Variants in ANKS1B observed in about 807,000 individuals in gnomAD.
ANKS1B encodes the protein ankyrin repeat and sterile alpha motif domain-containing protein 1B.
Under a neutral mutation model 148.3 loss-of-function variants are expected in ANKS1B, and 36 were observed. The ratio of observed to expected loss-of-function variants is 0.24; its 90% confidence interval spans 0.19 to 0.32. The LOEUF (loss-of-function observed/expected upper bound fraction) is 0.32. ANKS1B is among the 10% of genes least tolerant of loss of function. The pLI, the probability that ANKS1B is intolerant of heterozygous loss-of-function variation, is 1.00. For synonymous variants in ANKS1B, 542 were observed against 560.8 expected (o/e 0.97, Z 0.47); for missense variants, 1,157 against 1,542.6 (o/e 0.75, Z 4.19).
intron 8 of ANKS1B, among the ~76,000 whole-genome samples, chr12:99,749,443 ATTGT>A (rs2153592340): frequency 6.6e-6 from 1 of 152,196 alleles, no homozygotes; most frequent in East Asian, 1.9e-4. Context: ...TCCAGATTAC[ATTGT>A]TTGAGTACTA....
At chr12:99,718,409 C>T (rs148223807) in intron 8 of ANKS1B, among the ~76,000 whole-genome samples, 2,553 of 152,176 alleles carry the variant, frequency 0.017, 81 homozygotes, top group African/African-American at 0.058. Flanking sequence ...GATACCTCTA[C>T]TCCCTCCTTG....
chr12:99,422,397 T>A (rs942439709), intron 11 of ANKS1B, among the ~76,000 whole-genome samples: 4 of 152,160 alleles, frequency 2.6e-5, no homozygotes, highest in Admixed American at 6.5e-5. Flanking sequence ...AGGTGAAAAG[T>A]CCTATGAAGA....
intron 9 of ANKS1B, among the ~76,000 whole-genome samples, chr12:99,534,707 TTTC>T (rs2097045306): frequency 6.8e-6 from 1 of 146,288 alleles, no homozygotes; most frequent in African/African-American, 2.6e-5. Flanking sequence ...TCTTTTTTCT[TTTC>T]TTTTTTTTTT....
chr12:99,956,629 A>G (rs904616191), intron 1 of ANKS1B, among the ~76,000 whole-genome samples: 17 of 152,182 alleles, frequency 1.1e-4, no homozygotes. Flanking sequence ...ACCAGGACTG[A>G]TACTAGGCCA....
At chr12:99,441,258 GCT>G (rs1339140462) in intron 11 of ANKS1B, among the ~76,000 whole-genome samples, 6 of 151,846 alleles carry the variant, frequency 4.0e-5, no homozygotes, top group African/African-American at 1.4e-4. Context: ...TGGAACAGTA[GCT>G]CTCAACCATT....
rs12314116 is a variant in ANKS1B, at chr12:99,321,410, G to A, written c.1757-74546C>T. 5.3e-3 allele frequency among the ~76,000 whole-genome samples: 811 copies of A among 152,296 alleles called. 9 individuals carry two copies. The highest frequency in any genetic ancestry group is 0.018 in the African/African-American group (766 of 41,570). Reference sequence around the variant, plus strand: ...TACTCAAGCCTCGGCAATGGCGGACGCCCCTCCCCCAGCCTCGCTGCCGCC... The same window carrying A: ...TACTCAAGCCTCGGCAATGGCGGACACCCCTCCCCCAGCCTCGCTGCCGCC... On this transcript the variant is annotated intron_variant, in intron 12 of 26. Transcript: ENST00000683438.
chr12:99,055,119 C>T (rs183028052), intron 16 of ANKS1B, among the ~76,000 whole-genome samples: 1 of 152,256 alleles, frequency 6.6e-6, no homozygotes, highest in Admixed American at 6.5e-5. Context: ...AAAAGGGAGG[C>T]TCATAGATAT....
intron 1 of ANKS1B, among the ~76,000 whole-genome samples, chr12:99,954,990 C>T (rs1053336088): frequency 6.6e-6 from 1 of 152,176 alleles, no homozygotes; most frequent in African/African-American, 2.4e-5. Flanking sequence ...CTTTGTCTGC[C>T]TTGACCATTG....
rs2096931807 is a variant in ANKS1B, at chr12:99,526,855, AG to A, written c.1273-22215del. Among the ~76,000 whole-genome samples the A allele has an allele frequency of 2.0e-5, 3 of 152,348 alleles. No individual in the cohort carries two copies. In the South Asian group the frequency reaches 6.2e-4, roughly 32 times the overall value. On this transcript the variant is annotated intron_variant, in intron 9 of 26. Coordinates refer to ENST00000683438, the MANE Select transcript of ANKS1B (RefSeq NM_001352186.2). ...TAAGAATGTGACATTATTTAGAAAT[AG>A]GGTCACTGCAGATGCAATTAGTTAA...
intron 9 of ANKS1B, among the ~76,000 whole-genome samples, chr12:99,531,554 T>C (rs1460282047): frequency 6.6e-6 from 1 of 152,236 alleles, no homozygotes; most frequent in Non-Finnish European, 1.5e-5. Context: ...TTCTTTCTTA[T>C]GGCTGAGTAG....
At chr12:99,975,842 T>C (rs1170152703) in intron 1 of ANKS1B, among the ~76,000 whole-genome samples, 1 of 152,198 alleles carries the variant, frequency 6.6e-6, no homozygotes, top group African/African-American at 2.4e-5. Flanking sequence ...AGCAATCCCA[T>C]TGCTGTGTAT....
intron 22 of ANKS1B, 63 bp downstream of exon 22, chr12:98,798,871 T>A: frequency 7.2e-7 from 1 of 1,388,434 alleles, no homozygotes; most frequent in Middle Eastern, 1.8e-4. Flanking sequence ...AGGTGGCAAT[T>A]TGTATCCATA....
chr12:99,437,880 AC>A (rs1555431936), intron 11 of ANKS1B, among the ~76,000 whole-genome samples: 1 of 151,930 alleles, frequency 6.6e-6, no homozygotes, highest in Non-Finnish European at 1.5e-5. Context: ...AGATTAGTCT[AC>A]AATCAGGGTA....
At chr12:99,509,098 C>G (rs562763309) in intron 9 of ANKS1B, among the ~76,000 whole-genome samples, 55 of 151,912 alleles carry the variant, frequency 3.6e-4, no homozygotes, top group Non-Finnish European at 5.2e-4. Flanking sequence ...TCATATAAAA[C>G]AGTGAACTTA....
intron 17 of ANKS1B, among the ~76,000 whole-genome samples, chr12:98,963,027 CT>C (rs1470730253): frequency 1.3e-5 from 2 of 151,790 alleles, no homozygotes; most frequent in African/African-American, 4.8e-5. Context: ...AACAATGCAT[CT>C]TAAAGAACTA....
At chr12:99,360,499 A>G (rs1476561417) in intron 12 of ANKS1B, among the ~76,000 whole-genome samples, 1 of 152,252 alleles carries the variant, frequency 6.6e-6, no homozygotes, top group East Asian at 1.9e-4. Flanking sequence ...TGGACAAAGT[A>G]TATTCCCTGA....
chr12:98,870,128 T>C (rs1272868951), intron 17 of ANKS1B, among the ~76,000 whole-genome samples: 3 of 152,220 alleles, frequency 2.0e-5, no homozygotes, highest in African/African-American at 7.2e-5. Context: ...GCTCCTGGAA[T>C]TGTTTGAAAG....
At chr12:99,338,802 A>G (rs7303603) in intron 12 of ANKS1B, among the ~76,000 whole-genome samples, 53,919 of 152,038 alleles carry the variant, frequency 0.35, 11,511 homozygotes, top group African/African-American at 0.6. Context: ...GGTGCAGGGT[A>G]TATCTAGAAA....
intron 1 of ANKS1B, among the ~76,000 whole-genome samples, chr12:99,937,795 A>G (rs901252061): frequency 6.6e-6 from 1 of 152,162 alleles, no homozygotes; most frequent in Non-Finnish European, 1.5e-5. Context: ...TAAGCCTGCA[A>G]GTACCAACTG....
Sources: gnomAD v4.1 joint callset for allele counts (sites outside exome capture counted in the v4.1 genomes callset) on GRCh38, gnomAD v4.1.1 for gene constraint, MANE v1.5 for transcripts, NCBI Gene and HGNC (gene_info 2026-07-23, HGNC 2026-07-21) for gene names.